DNM2: variants seen among roughly 807,000 people sequenced by gnomAD.
DNM2 encodes dynamin 2.
In DNM2, 15 loss-of-function variants were observed where a neutral mutation model predicts 99.0. The observed-to-expected ratio is 0.15, with a 90% CI of 0.10 to 0.23. DNM2 has a LOEUF of 0.23. Ranked by LOEUF, DNM2 falls within the 10% of genes least tolerant of loss-of-function variation. DNM2 has a pLI of 1.00. For synonymous variants in DNM2, 525 were observed against 481.2 expected, an observed-to-expected ratio of 1.09 and a Z score of -1.19; for missense variants, 742 against 1,189.4, an observed-to-expected ratio of 0.62 and a Z score of 5.53.
Position 10,831,795 on chromosome 19 carries a change from G to T in DNM2, c.*748G>T. On this transcript the variant is annotated 3_prime_UTR_variant, in exon 21 of 21. Coordinates refer to ENST00000389253, the MANE Select transcript of DNM2 (RefSeq NM_001005361.3). This position sits in a 1 kb window ranked among gnomAD's most constrained non-coding sequence, Gnocchi z 4.3. ...CTCCCTGATGGGTGGGCCCAGGGCGGCCTCTCTCTGAGGAGACCTCACCCA... is the reference window on the plus strand; with the variant it reads ...CTCCCTGATGGGTGGGCCCAGGGCGTCCTCTCTCTGAGGAGACCTCACCCA... 42 of 987,266 alleles carry T rather than the reference G, an allele frequency of 4.3e-5. 1 individual carries two copies. The highest frequency in any genetic ancestry group is 5.1e-5 in the Non-Finnish European group (42 of 831,004). 61.2% of individuals were successfully genotyped at this position (987,266 alleles called of 1,614,324 possible).
At position 10,812,043 on chromosome 19, in the gene DNM2, G is replaced by C. The variant is rs542318289; in HGVS notation, c.1558-221G>C. On this transcript the variant is annotated intron_variant, in intron 14 of 20. Transcript: ENST00000389253. The surrounding 1 kb of genome is among the most constrained non-coding windows in gnomAD (Gnocchi z 4.0). ...CTATACCCCATCAGCCCCTGGCCCAGTGAGTCTGTCTGTCCGCCCACCTGC... is the reference window on the plus strand; with the variant it reads ...CTATACCCCATCAGCCCCTGGCCCACTGAGTCTGTCTGTCCGCCCACCTGC... 1.9e-6 allele frequency: 1 copy of C among 532,424 alleles called. No homozygotes were observed. Among genetic ancestry groups the C allele is most frequent in the East Asian group, 4.6e-5 (1 of 21,686 alleles). The allele number at this position is 532,424 out of a possible 1,614,324, so 33.0% of individuals were successfully genotyped here. A position where few individuals can be genotyped will look rare whatever the true frequency, so the allele number is the denominator to read the frequency against.
At chr19:10,762,331 C>A (rs187461461) in intron 2 of DNM2, among the ~76,000 whole-genome samples, 366 of 152,300 alleles carry the variant, frequency 2.4e-3, no homozygotes, top group Non-Finnish European at 4.1e-3. Flanking sequence ...AGCCACTGGG[C>A]CCGGCCACAA....
intron 1 of DNM2, among the ~76,000 whole-genome samples, chr19:10,723,360 C>T (rs1423235693): frequency 3.9e-5 from 6 of 151,988 alleles, no homozygotes; most frequent in Non-Finnish European, 5.9e-5. Context: ...CTCGAACTCC[C>T]GACCTCAGGT....
In DNM2 at chr19:10,718,324, C is replaced by T; in HGVS notation, c.82C>T (p.His28Tyr). The stretch of plus-strand genomic sequence containing the variant: ...CTTCAGCTCCATCGGCCAGAGCTGC[C>T]ACCTGGACCTGCCGCAGATCGCTGT... ...DAFSSIGQSC[H>Y]LDLPQIAVVG... Residue 28 changes from histidine (H) to tyrosine (Y), a missense_variant, in exon 1 of 21, where the codon CAC (histidine) becomes TAC (tyrosine). Around this residue, in one of 7 missense-constraint regions of DNM2, gnomAD observed 52 missense variants for 46.1 expected, o/e 1.13. Transcript: ENST00000389253. 6.6e-7 allele frequency: 1 copy of T among 1,514,652 alleles called. No homozygotes were observed. Among genetic ancestry groups the T allele is most frequent in the Non-Finnish European group, 8.8e-7 (1 of 1,133,198 alleles). 93.8% of individuals were successfully genotyped at this position (1,514,652 alleles called of 1,614,324 possible).
At position 10,775,617 on chromosome 19, in the gene DNM2, T is replaced by A. The variant is rs776095706; in HGVS notation, c.386-86T>A. 1.9e-4 allele frequency: 285 copies of A among 1,496,206 alleles called. No homozygotes were observed. Among genetic ancestry groups the A allele is most frequent in the Non-Finnish European group, 2.6e-4 (276 of 1,074,958 alleles). 92.7% of individuals were successfully genotyped at this position (1,496,206 alleles called of 1,614,324 possible). On this transcript the variant is annotated intron_variant, in intron 3 of 20. Transcript: ENST00000389253. The surrounding 1 kb of genome is among the most constrained non-coding windows in gnomAD (Gnocchi z 4.3). ...TCAAGTCTGAGCCCCGCGCAGGAACTTTGGTAGTCAGCTGGGTGGCTGCGG... is the reference window on the plus strand; with the variant it reads ...TCAAGTCTGAGCCCCGCGCAGGAACATTGGTAGTCAGCTGGGTGGCTGCGG...
intron 18 of DNM2, among the ~76,000 whole-genome samples, chr19:10,828,582 C>G (rs1464906773): frequency 1.0e-5 from 1 of 99,640 alleles, no homozygotes; most frequent in African/African-American, 3.9e-5. Context: ...GAGACTGTCT[C>G]AAAAAAAAAA....
In DNM2 at chr19:10,718,226, C is replaced by T. The variant is rs1381657255; in HGVS notation, c.-17C>T. 6.8e-6 allele frequency: 10 copies of T among 1,462,794 alleles called. No homozygotes were observed. In the African/African-American group the frequency reaches 1.0e-4, roughly 15 times the overall value. 90.6% of individuals were successfully genotyped at this position (1,462,794 alleles called of 1,614,324 possible). ...GGCGAGGAGCGCAGGGCGCTCGGGC[C>T]GGGGGCCGCCGGCGCCATGGGCAAC... On this transcript the variant is annotated 5_prime_UTR_variant, in exon 1 of 21. Transcript: ENST00000389253.
Position 10,812,406 on chromosome 19 carries a change from G to A in DNM2, c.1671+29G>A. Reference sequence around the variant, plus strand: ...AGTGGCAGGCGGGAGCAGGGCTGCTGGGGTAGGTGGGGCAGCCAGGGAAGA... The same window carrying A: ...AGTGGCAGGCGGGAGCAGGGCTGCTAGGGTAGGTGGGGCAGCCAGGGAAGA... On this transcript the variant is annotated intron_variant, in intron 15 of 20. Transcript: ENST00000389253. This position sits in a 1 kb window ranked among gnomAD's most constrained non-coding sequence, Gnocchi z 4.0. 1 of 1,562,440 alleles carries A rather than the reference G, an allele frequency of 6.4e-7. No individual in the cohort carries two copies. The highest frequency in any genetic ancestry group is 1.9e-5 in the Admixed American group (1 of 53,988).
At chr19:10,822,232 C>A (rs1167964719) in intron 16 of DNM2, among the ~76,000 whole-genome samples, 1 of 151,204 alleles carries the variant, frequency 6.6e-6, no homozygotes, top group Non-Finnish European at 1.5e-5. Flanking sequence ...GTCACCCACC[C>A]AGGCTGGAGT....
chr19:10,804,767 A>C (rs1360818748), intron 12 of DNM2, among the ~76,000 whole-genome samples: 12 of 152,194 alleles, frequency 7.9e-5, no homozygotes, highest in Non-Finnish European at 1.8e-4. Flanking sequence ...TCACTGGATA[A>C]AATTCTGCCT....
chr19:10,812,157 C>T lies in DNM2; in HGVS notation c.1558-107C>T. On this transcript the variant is annotated intron_variant, in intron 14 of 20. Transcript: ENST00000389253. The surrounding 1 kb of genome is among the most constrained non-coding windows in gnomAD (Gnocchi z 4.0). ...CTGGGCTTTGGGGCTGGAGGTGTCT[C>T]TATTGCGGTCCCTGGCTTCCCACTG... 1 of 915,504 alleles carries T rather than the reference C, an allele frequency of 1.1e-6. No homozygotes were observed. Among genetic ancestry groups the T allele is most frequent in the Non-Finnish European group, 1.7e-6 (1 of 593,222 alleles). The allele number at this position is 915,504 out of a possible 1,614,324, so 56.7% of individuals were successfully genotyped here. A position where few individuals can be genotyped will look rare whatever the true frequency, so the allele number is the denominator to read the frequency against.
intron 1 of DNM2, among the ~76,000 whole-genome samples, chr19:10,758,041 T>G (rs971877809): frequency 1.3e-5 from 2 of 152,066 alleles, no homozygotes; most frequent in African/African-American, 2.4e-5. Context: ...GAGCCTTTAA[T>G]GTACCCCGAG....
intron 4 of DNM2, 24 bp from the exon 5 acceptor site, chr19:10,777,094 C>T: frequency 2.5e-6 from 4 of 1,613,426 alleles, no homozygotes; most frequent in South Asian, 1.1e-5. Context: ...CAGCCTCTGA[C>T]CTCTGACCTC....
chr19:10,768,314 C>T (rs1396178845), intron 2 of DNM2, among the ~76,000 whole-genome samples: 2 of 152,044 alleles, frequency 1.3e-5, no homozygotes, highest in Admixed American at 6.6e-5. Context: ...ATTAGCTGGG[C>T]GTGGTGGCGG....
intron 1 of DNM2, among the ~76,000 whole-genome samples, chr19:10,746,212 C>T (rs1028157288): frequency 1.3e-5 from 2 of 152,148 alleles, no homozygotes; most frequent in Non-Finnish European, 2.9e-5. Context: ...CCACCCACCT[C>T]GGCCTTCCAA....
At chr19:10,746,850 C>T (rs1385811431) in intron 1 of DNM2, among the ~76,000 whole-genome samples, 3 of 148,978 alleles carry the variant, frequency 2.0e-5, no homozygotes, top group Non-Finnish European at 4.4e-5. Context: ...GGTTTTCCTG[C>T]CTCAGCCTCT....
chr19:10,730,822 T>C (rs1342790074), intron 1 of DNM2, among the ~76,000 whole-genome samples: 1 of 152,184 alleles, frequency 6.6e-6, no homozygotes, highest in East Asian at 1.9e-4. Flanking sequence ...TGACTTTTGC[T>C]TCCTGCCTGG....
intron 16 of DNM2, among the ~76,000 whole-genome samples, chr19:10,822,835 G>T (rs900520136): frequency 9.4e-5 from 14 of 149,370 alleles, no homozygotes; most frequent in African/African-American, 3.4e-4. Flanking sequence ...GGCCGGGCAC[G>T]GGGGCTCACG....
intron 1 of DNM2, among the ~76,000 whole-genome samples, chr19:10,725,271 C>T (rs2069074926): frequency 6.6e-6 from 1 of 152,030 alleles, no homozygotes; most frequent in Non-Finnish European, 1.5e-5. Context: ...CATAGTGAAT[C>T]CCGATCTCTA....
Sources: allele counts gnomAD v4.1 joint callset (sites outside exome capture counted in the v4.1 genomes callset), GRCh38; gene constraint gnomAD v4.1.1; regional missense constraint gnomAD v4.1.1; non-coding constraint Gnocchi (gnomAD v3.1); transcripts MANE v1.5; gene names NCBI Gene and HGNC (gene_info 2026-07-23, HGNC 2026-07-21).